PCCB: variants seen among roughly 807,000 people sequenced by gnomAD.
The protein encoded by PCCB is propionyl-CoA carboxylase subunit beta, also known as propionyl-CoA carboxylase beta chain, mitochondrial.
PCCB carries 43 observed loss-of-function variants against 60.7 expected under a neutral mutation model. The ratio of observed to expected loss-of-function variants is 0.71; its 90% CI spans 0.55 to 0.91. The LOEUF is 0.91. PCCB is among the 40% of genes least tolerant of loss of function. The pLI is 0.00. For synonymous variants in PCCB, 276 were observed against 255.9 expected (o/e 1.08, Z -0.75); for missense variants, 766 against 702.8 (o/e 1.09, Z -1.02).
At chr3:136,250,701 C>T in intron 1 of PCCB, 143 bp downstream of exon 1, 1 of 803,704 alleles carries the variant, frequency 1.2e-6, no homozygotes, top group Non-Finnish European at 1.9e-6. Flanking sequence ...CCTTGAAAAC[C>T]TGTAGCGTTT....
At chr3:136,258,437 A>C (rs1306068119) in intron 3 of PCCB, among the ~76,000 whole-genome samples, 1 of 152,240 alleles carries the variant, frequency 6.6e-6, no homozygotes, top group Non-Finnish European at 1.5e-5. Flanking sequence ...CTTTAGGAAC[A>C]ATGGGGCAAT....
rs144191183 is a variant in PCCB at position 136,304,999 on chromosome 3, C to T, written c.966+3888C>T. ...GCCACGGGCGCCAACCCAGCTTTTC[C>T]AATTTTTAAAAGAATTCCAGTCCTA... On this transcript the variant is annotated intron_variant, in intron 9 of 14. Coordinates refer to ENST00000251654, the MANE Select transcript of PCCB (RefSeq NM_000532.5). Among the ~76,000 whole-genome samples, 421 of 121,180 alleles carry T rather than the reference C, an allele frequency of 3.5e-3. 31 individuals carry two copies. The highest frequency in any genetic ancestry group is 0.01 in the African/African-American group (399 of 39,886). 79.5% of individuals were successfully genotyped at this position (121,180 alleles called of 152,430 possible).
At chr3:136,256,123 A>G in intron 2 of PCCB, 148 bp downstream of exon 2, 1 of 1,192,212 alleles carries the variant, frequency 8.4e-7, no homozygotes, top group South Asian at 1.4e-5. Flanking sequence ...TTGTATTTTT[A>G]GTAGAGATGG....
chr3:136,292,348 C>G (rs544639980), intron 6 of PCCB, among the ~76,000 whole-genome samples: 10 of 151,746 alleles, frequency 6.6e-5, no homozygotes, highest in African/African-American at 2.2e-4. Context: ...GATTTCAAAC[C>G]AAGAAGCCAT....
At chr3:136,266,829 A>G (rs973180269) in intron 5 of PCCB, among the ~76,000 whole-genome samples, 2 of 151,882 alleles carry the variant, frequency 1.3e-5, no homozygotes, top group Non-Finnish European at 2.9e-5. Flanking sequence ...ATTTGTAAGT[A>G]TTTTCTCCCA....
In PCCB at chr3:136,252,910, T is replaced by G. The variant is rs1455738068; in HGVS notation, c.183+2352T>G. Among the ~76,000 whole-genome samples, 59 of 28,494 alleles carry G rather than the reference T, an allele frequency of 2.1e-3. No individual in the cohort carries two copies. In the South Asian group the frequency reaches 0.038, roughly 18 times the overall value. 18.7% of individuals were successfully genotyped at this position (28,494 alleles called of 152,430 possible). ...TAGGATTGCCTGTTTTTTGTTTTGT[T>G]TTTTTTTTTTTAAATGCAACCTCAC... is the stretch of plus-strand genomic sequence containing the variant. On this transcript the variant is annotated intron_variant, in intron 1 of 14. Transcript: ENST00000251654.
intron 6 of PCCB, among the ~76,000 whole-genome samples, chr3:136,288,180 G>T (rs1168059565): frequency 6.6e-6 from 1 of 152,152 alleles, no homozygotes; most frequent in Non-Finnish European, 1.5e-5. Context: ...GTATGTTTAT[G>T]ACTCAGAATG....
intron 13 of PCCB, 24 bp from the exon 14 acceptor site, chr3:136,328,734 G>A (rs2108240221): frequency 1.3e-6 from 2 of 1,589,560 alleles, no homozygotes; most frequent in Non-Finnish European, 8.6e-7. Context: ...GACCAAAGAT[G>A]TTCATGAACT....
intron 7 of PCCB, among the ~76,000 whole-genome samples, chr3:136,294,283 A>G (rs764074752): frequency 1.3e-5 from 2 of 152,154 alleles, no homozygotes; most frequent in African/African-American, 2.4e-5. Context: ...ATGGTCATAT[A>G]TCATGTGTTG....
At chr3:136,313,557 T>C (rs1934752813) in intron 9 of PCCB, among the ~76,000 whole-genome samples, 2 of 151,972 alleles carry the variant, frequency 1.3e-5, no homozygotes, top group African/African-American at 4.8e-5. Flanking sequence ...CATCAGAAAA[T>C]AATGAGATTA....
At position 136,282,095 on chromosome 3, in the gene PCCB, A is replaced by G. The variant is rs137856803; in HGVS notation, c.544-1742A>G. 4.8e-3 allele frequency among the ~76,000 whole-genome samples: 734 copies of G among 152,268 alleles called. 2 individuals carry two copies. Among genetic ancestry groups the G allele is most frequent in the Non-Finnish European group, 8.6e-3 (582 of 68,018 alleles). On this transcript the variant is annotated intron_variant, in intron 5 of 14. Transcript: ENST00000251654. Reference sequence around the variant, plus strand: ...TCAGAACATACAACCTTGATTTTTCAAGGTTGAAAAACCAAGATGCAAAGG... The same window carrying G: ...TCAGAACATACAACCTTGATTTTTCGAGGTTGAAAAACCAAGATGCAAAGG...
In PCCB at chr3:136,268,061, TGTGC is replaced by T. The variant is rs1174316658; in HGVS notation, c.543+6000_543+6003del. 1.1e-4 allele frequency among the ~76,000 whole-genome samples: 10 copies of T among 92,554 alleles called. No individual in the cohort carries two copies. The East Asian group carries it at 1.6e-3, about 15-fold the overall frequency. 60.7% of individuals were successfully genotyped at this position (92,554 alleles called of 152,430 possible). A position where few individuals can be genotyped will look rare whatever the true frequency, so the allele number is the denominator to read the frequency against. ...ACCAAACCTGGCTAGTGTGTGTGTG[TGTGC>T]GTGTGTGTGTGTGTGTGTGTAGATA... On this transcript the variant is annotated intron_variant, in intron 5 of 14. Coordinates refer to ENST00000251654, the MANE Select transcript of PCCB (RefSeq NM_000532.5).
intron 9 of PCCB, among the ~76,000 whole-genome samples, chr3:136,313,276 T>C (rs1934741312): frequency 6.6e-6 from 1 of 152,230 alleles, no homozygotes; most frequent in Non-Finnish European, 1.5e-5. Context: ...ACCATTACGT[T>C]GTCATTTGTA....
chr3:136,282,157 A>G (rs2064535947), intron 5 of PCCB, among the ~76,000 whole-genome samples: 1 of 152,196 alleles, frequency 6.6e-6, no homozygotes, highest in Admixed American at 6.5e-5. Context: ...TAGCTACACT[A>G]GGAACATCCT....
chr3:136,254,809 G>A (rs1941622964), intron 1 of PCCB, among the ~76,000 whole-genome samples: 1 of 151,844 alleles, frequency 6.6e-6, no homozygotes, highest in Admixed American at 6.6e-5. Context: ...GGGATTACAG[G>A]TGTGAGCCAC....
chr3:136,327,129 A>G, intron 11 of PCCB, 26 bp from the exon 12 acceptor site: 1 of 1,599,426 alleles, frequency 6.3e-7, no homozygotes. Context: ...ACTTGTGGGT[A>G]TCTAGTAACT....
At chr3:136,252,914 T>G (rs1258691940) in intron 1 of PCCB, among the ~76,000 whole-genome samples, 5 of 151,508 alleles carry the variant, frequency 3.3e-5, no homozygotes, top group Non-Finnish European at 4.4e-5. Context: ...TTTTGTTTTT[T>G]TTTTTTTAAA....
intron 5 of PCCB, among the ~76,000 whole-genome samples, chr3:136,268,302 T>G (rs957308578): frequency 2.6e-5 from 4 of 151,414 alleles, no homozygotes; most frequent in East Asian, 1.9e-4. Flanking sequence ...CATTGAATTG[T>G]CTTGACACAT....
At chr3:136,328,700 A>G in intron 13 of PCCB, 58 bp from the exon 14 acceptor site, 1 of 1,348,692 alleles carries the variant, frequency 7.4e-7, no homozygotes. Flanking sequence ...TAATGAGTTG[A>G]AGGAGATCTG....
Sources: gnomAD v4.1 joint callset for allele counts (sites outside exome capture counted in the v4.1 genomes callset) on GRCh38, gnomAD v4.1.1 for gene constraint, MANE v1.5 for transcripts, NCBI Gene and HGNC (gene_info 2026-07-23, HGNC 2026-07-21) for gene names.